ITPR3: variants seen among roughly 807,000 people sequenced by gnomAD.
ITPR3 encodes the protein inositol 1,4,5-trisphosphate receptor type 3.
ITPR3 carries 173 observed loss-of-function variants against 293.2 expected under a neutral mutation model. The ratio of observed to expected loss-of-function variants is 0.59; its 90% CI spans 0.52 to 0.67. The LOEUF is 0.67. Among genes scored for constraint, ITPR3 ranks in the 30% least tolerant of loss-of-function variants. The pLI, the probability that ITPR3 is intolerant of heterozygous loss-of-function variation, is 0.00. For missense variants in ITPR3, 2,796 were observed against 3,592.1 expected (o/e 0.78, Z 5.66); for synonymous variants, 1,295 against 1,444.4 (o/e 0.90, Z 2.35).
chr6:33,673,635 G>C lies in ITPR3; in HGVS notation c.2973G>C (p.Leu991=). ...VRLDYRISYL[L]SVFKKEFVEV... ...TGGATTACCGCATATCCTACCTGCT[G>C]TCTGTCTTCAAGAAGGAGTTTGTGG... Residue 991 remains leucine, a synonymous_variant, in exon 23 of 58, where the codon CTG becomes CTC. Transcript: ENST00000605930. The C allele has an allele frequency of 6.2e-7, 1 of 1,614,174 alleles. No homozygotes were observed. Among genetic ancestry groups the C allele is most frequent in the Non-Finnish European group, 8.5e-7 (1 of 1,180,016 alleles).
Position 33,693,529 on chromosome 6 carries a change from C to G in ITPR3, c.7625-16C>G. 1 of 1,613,010 alleles carries G rather than the reference C, an allele frequency of 6.2e-7. No individual in the cohort carries two copies. Among genetic ancestry groups the G allele is most frequent in the Non-Finnish European group, 8.5e-7 (1 of 1,179,206 alleles). The stretch of plus-strand genomic sequence containing the variant: ...TTGAAGGCTGATGGTTTCATTCCCG[C>G]CCTCTGCACCCTCAGGTCTGGAGAG... On this transcript the variant is annotated splice_polypyrimidine_tract_variant and intron_variant, in intron 55 of 57. Transcript: ENST00000605930.
Position 33,669,141 on chromosome 6 carries a change from T to A in ITPR3, c.2174T>A (p.Val725Glu), listed in dbSNP as rs1470074966. Residue 725 changes from valine (V) to glutamate (E), a missense_variant, in exon 18 of 58, where the codon GTG becomes GAG. By Grantham distance (121) the Val-to-Glu change is moderately radical. Around this residue, in one of 8 missense-constraint regions of ITPR3, gnomAD observed 955 missense variants for 1,180.8 expected, o/e 0.81. Coordinates refer to ENST00000605930, the MANE Select transcript of ITPR3 (RefSeq NM_002224.4). ...GCCGGCAACGCCCACGACGAGAATG[T>A]GCTCAGCTACTACAGGTGCCCCGCC... ...ARAGNAHDEN[V>E]LSYYRYQLKL... 1.9e-6 allele frequency: 3 copies of A among 1,613,876 alleles called. No homozygotes were observed. The highest frequency in any genetic ancestry group is 1.7e-5 in the Admixed American group (1 of 60,018).
chr6:33,671,461 C>G (rs1052546831), intron 21 of ITPR3, among the ~76,000 whole-genome samples, 155 bp downstream of exon 21: 22 of 152,362 alleles, frequency 1.4e-4, no homozygotes, highest in Admixed American at 1.1e-3. Flanking sequence ...GCCCCTCCCA[C>G]CTCAGCAGGA....
rs559749402 is a variant in ITPR3 at position 33,672,388 on chromosome 6, G to C, written c.2928+160G>C. ...TCAGGCCCAGCGGTTCCCACAGTGT[G>C]GTTCTTGGGCCAGCCTCACCTGGGA... is the stretch of plus-strand genomic sequence containing the variant. On this transcript the variant is annotated intron_variant, in intron 22 of 57. Coordinates refer to ENST00000605930, the MANE Select transcript of ITPR3 (RefSeq NM_002224.4). This position sits in a 1 kb window ranked among gnomAD's most constrained non-coding sequence, Gnocchi z 5.0. 4.6e-5 allele frequency among the ~76,000 whole-genome samples: 7 copies of C among 152,112 alleles called. No individual in the cohort carries two copies. In the East Asian group the frequency reaches 1.2e-3, roughly 25 times the overall value.
chr6:33,686,507 G>A lies in ITPR3; in HGVS notation c.5967G>A (p.Val1989=), dbSNP rs1010737798. ...SPLCKYRMDL[V]LQLKDNASKL... ...TGTGCAAGTACCGCATGGATCTGGT[G>A]CTGCAGCTCAAGGTGGGGCCCAGTG... is the stretch of plus-strand genomic sequence containing the variant. The change falls in exon 43 of 58, where the codon GTG becomes GTA. Residue 1989 remains valine (V), a synonymous_variant. Coordinates refer to ENST00000605930, the MANE Select transcript of ITPR3 (RefSeq NM_002224.4). The A allele has an allele frequency of 2.5e-6, 4 of 1,613,864 alleles. No individual in the cohort carries two copies. In the African/African-American group the frequency reaches 5.3e-5, roughly 22 times the overall value.
At chr6:33,678,367 C>T in intron 28 of ITPR3, 54 bp from the exon 29 acceptor site, 1 of 1,598,410 alleles carries the variant, frequency 6.3e-7, no homozygotes, top group Non-Finnish European at 8.6e-7. Context: ...TCAGCCAGGG[C>T]CTCGCCTCCC....
chr6:33,683,253 C>T lies in ITPR3; in HGVS notation c.4644C>T (p.Ile1548=), dbSNP rs1465190574. ...ILLPMDLDAH[I]SSMLSSGASC... Reference sequence around the variant, plus strand: ...TGCCCATGGACCTGGATGCCCACATCAGCTCGATGCTCAGCAGTGGAGCCA... The same window carrying T: ...TGCCCATGGACCTGGATGCCCACATTAGCTCGATGCTCAGCAGTGGAGCCA... Residue 1548 remains isoleucine, a synonymous_variant, in exon 35 of 58, where the codon ATC becomes ATT. Transcript: ENST00000605930. This position sits in a 1 kb window ranked among gnomAD's most constrained non-coding sequence, Gnocchi z 4.5. 1.3e-6 allele frequency: 2 copies of T among 1,563,600 alleles called. No homozygotes were observed. The highest frequency in any genetic ancestry group is 2.4e-5 in the East Asian group (1 of 42,346).
chr6:33,659,759 C>T (rs777914991), intron 7 of ITPR3, among the ~76,000 whole-genome samples: 2 of 152,204 alleles, frequency 1.3e-5, no homozygotes, highest in Admixed American at 6.5e-5. Flanking sequence ...GCTCCCTTCT[C>T]CATTCTCCCT....
In ITPR3 at chr6:33,687,275, C is replaced by CG. The variant is rs1561880884; in HGVS notation, c.6127dup (p.Glu2043GlyfsTer6). The CG allele has an allele frequency of 1.2e-6, 2 of 1,613,466 alleles. No homozygotes were observed. The highest frequency in any genetic ancestry group is 1.3e-5 in the African/African-American group (1 of 74,852). ...CTGCAGGAGGAAGAGCGTGAGAACT[C>CG]GGAGGTGAGCCCACGTGAAGTGGGC... On this transcript the variant is annotated frameshift_variant, in exon 45 of 58. Coordinates refer to ENST00000605930, the MANE Select transcript of ITPR3 (RefSeq NM_002224.4). LOFTEE classifies it high-confidence loss of function. The surrounding 1 kb of genome is among the most constrained non-coding windows in gnomAD (Gnocchi z 5.3).
rs1764377692 is a variant in ITPR3 at position 33,658,775 on chromosome 6, G to A, written c.475G>A (p.Gly159Ser). 4 of 1,614,074 alleles carry A rather than the reference G, an allele frequency of 2.5e-6. No individual in the cohort carries two copies. Among genetic ancestry groups the A allele is most frequent in the African/African-American group, 1.3e-5 (1 of 74,940 alleles). ...GACTCTGGATGCCACAGGCAACGAG[G>A]GTTCCTGGCTCTTCATCCAGCCCTT... Reference protein sequence around the residue: ...RVTLDATGNEGSWLFIQPFWK... With the variant: ...RVTLDATGNESSWLFIQPFWK... Residue 159 changes from glycine (G) to serine (S), a missense_variant, in exon 5 of 58, where the codon GGT becomes AGT. By Grantham distance (56) the Gly-to-Ser change is moderately conservative (BLOSUM62 0). Around this residue, in one of 8 missense-constraint regions of ITPR3, gnomAD observed 144 missense variants for 230.8 expected, o/e 0.62. Transcript: ENST00000605930. The surrounding 1 kb of genome is among the most constrained non-coding windows in gnomAD (Gnocchi z 6.1).
Position 33,678,834 on chromosome 6 carries a change from A to T in ITPR3, c.3967A>T (p.Thr1323Ser). ...YVKKCQDMIM[T>S]ELTNAGDDVV... Reference sequence around the variant, plus strand: ...CAAGAAGTGCCAGGACATGATCATGACTGAGGTGAGGGCGGGGCTGAGGGG... The same window carrying T: ...CAAGAAGTGCCAGGACATGATCATGTCTGAGGTGAGGGCGGGGCTGAGGGG... The change falls in exon 30 of 58, where the codon ACT (threonine) becomes TCT (serine). Residue 1323 changes from threonine (T) to serine (S), a missense_variant. Coordinates refer to ENST00000605930, the MANE Select transcript of ITPR3 (RefSeq NM_002224.4). 6.2e-7 allele frequency: 1 copy of T among 1,611,704 alleles called. No homozygotes were observed. The highest frequency in any genetic ancestry group is 8.5e-7 in the Non-Finnish European group (1 of 1,179,130).
In ITPR3 at chr6:33,654,145, G is replaced by A. The variant is rs1433694662; in HGVS notation, c.161-1621G>A. The stretch of plus-strand genomic sequence containing the variant: ...TAGCCAGGCATGGTGGTGCATGCCT[G>A]TAATCCCAGCTACTTGGGAGGCTGA... On this transcript the variant is annotated intron_variant, in intron 2 of 57. Coordinates refer to ENST00000605930, the MANE Select transcript of ITPR3 (RefSeq NM_002224.4). This position sits in a 1 kb window ranked among gnomAD's most constrained non-coding sequence, Gnocchi z 4.1. Among the ~76,000 whole-genome samples the A allele has an allele frequency of 6.6e-6, 1 of 152,134 alleles. No homozygotes were observed. Among genetic ancestry groups the A allele is most frequent in the African/African-American group, 2.4e-5 (1 of 41,440 alleles).
intron 1 of ITPR3, among the ~76,000 whole-genome samples, chr6:33,625,026 C>T (rs764508523): frequency 6.6e-5 from 10 of 152,228 alleles, no homozygotes; most frequent in Non-Finnish European, 1.2e-4. Context: ...AGCAGGCCCA[C>T]GCCTGTTCTT....
chr6:33,687,325 C>A lies in ITPR3; in HGVS notation c.6175C>A (p.Gln2059Lys). Residue 2059 changes from glutamine to lysine, a missense_variant and splice_region_variant, in exon 45 of 58, where the codon CAG becomes AAG. Coordinates refer to ENST00000605930, the MANE Select transcript of ITPR3 (RefSeq NM_002224.4). The surrounding 1 kb of genome is among the most constrained non-coding windows in gnomAD (Gnocchi z 5.3). Reference sequence around the variant, plus strand: ...CCATAACATCTATATCCTGGCGCTGCAGGTACCAGTTCCACCCGTGGCAAC... The same window carrying A: ...CCATAACATCTATATCCTGGCGCTGAAGGTACCAGTTCCACCCGTGGCAAC... ...VGHNIYILALQLSRHNKQLQH... is the reference protein window; with the variant it reads ...VGHNIYILALKLSRHNKQLQH... The A allele has an allele frequency of 1.2e-6, 2 of 1,605,258 alleles. No homozygotes were observed. Among genetic ancestry groups the A allele is most frequent in the African/African-American group, 1.3e-5 (1 of 74,766 alleles).
Position 33,672,289 on chromosome 6 carries a change from ACAGGGAGGCTGGG to A in ITPR3, c.2928+67_2928+79del. On this transcript the variant is annotated intron_variant, in intron 22 of 57. Coordinates refer to ENST00000605930, the MANE Select transcript of ITPR3 (RefSeq NM_002224.4). This position sits in a 1 kb window ranked among gnomAD's most constrained non-coding sequence, Gnocchi z 5.0. Reference sequence around the variant, plus strand: ...ATAGGGGGAGGGTAATGGGGCGGGTACAGGGAGGCTGGGCAGGGCGAACCCCTTCAGATCTCAG... The same window carrying A: ...ATAGGGGGAGGGTAATGGGGCGGGTACAGGGCGAACCCCTTCAGATCTCAG... 6.9e-7 allele frequency: 1 copy of A among 1,445,328 alleles called. No individual in the cohort carries two copies. The highest frequency in any genetic ancestry group is 2.3e-5 in the East Asian group (1 of 43,888). The allele number at this position is 1,445,328 out of a possible 1,614,324, so 89.5% of individuals were successfully genotyped here.
intron 11 of ITPR3, 119 bp downstream of exon 11, chr6:33,663,999 G>T (rs1764546287): frequency 8.4e-7 from 1 of 1,191,198 alleles, no homozygotes; most frequent in African/African-American, 1.5e-5. Flanking sequence ...AGCCTCTGGG[G>T]TCTCTGTAGG....
chr6:33,684,652 A>C lies in ITPR3; in HGVS notation c.5101A>C (p.Thr1701Pro). The C allele has an allele frequency of 6.2e-7, 1 of 1,614,008 alleles. No homozygotes were observed. Among genetic ancestry groups the C allele is most frequent in the Non-Finnish European group, 8.5e-7 (1 of 1,179,998 alleles). The change falls in exon 38 of 58, where the codon ACC becomes CCC. Residue 1701 changes from threonine (T) to proline (P), a missense_variant. Transcript: ENST00000605930. This position sits in a 1 kb window ranked among gnomAD's most constrained non-coding sequence, Gnocchi z 4.2. ...LQNYLQNRKS[T>P]SRGDLPDPIG... is the part of the protein sequence containing the mutation. Reference sequence around the variant, plus strand: ...AAACTACCTCCAGAACCGGAAGTCCACCTCGCGGGGGGACCTTCCCGACCC... The same window carrying C: ...AAACTACCTCCAGAACCGGAAGTCCCCCTCGCGGGGGGACCTTCCCGACCC...
rs750052368 is a variant in ITPR3 at position 33,669,071 on chromosome 6, G to A, written c.2104G>A (p.Glu702Lys). 9 of 1,614,078 alleles carry A rather than the reference G, an allele frequency of 5.6e-6. No homozygotes were observed. Among genetic ancestry groups the A allele is most frequent in the South Asian group, 1.1e-5 (1 of 91,064 alleles). Residue 702 changes from glutamate to lysine, a missense_variant, in exon 18 of 58, where the codon GAG becomes AAG. Coordinates refer to ENST00000605930, the MANE Select transcript of ITPR3 (RefSeq NM_002224.4). Reference sequence around the variant, plus strand: ...GCTCACGTGGACTGACAAGAATAACGAGCATCATGAGAAGAGTGTGAGGCA... The same window carrying A: ...GCTCACGTGGACTGACAAGAATAACAAGCATCATGAGAAGAGTGTGAGGCA... Reference protein sequence around the residue: ...VWLTWTDKNNEHHEKSVRQLA... With the variant: ...VWLTWTDKNNKHHEKSVRQLA...
At position 33,658,213 on chromosome 6, in the gene ITPR3, T is replaced by C. The variant is rs1034776926; in HGVS notation, c.369+195T>C. On this transcript the variant is annotated intron_variant, in intron 4 of 57. Transcript: ENST00000605930. This position sits in a 1 kb window ranked among gnomAD's most constrained non-coding sequence, Gnocchi z 6.1. ...TGTTGCTGTGTGGCCTGAGTAGCTG[T>C]GCCATGGGTGTGTTTACAGCATGGT... Among the ~76,000 whole-genome samples the C allele has an allele frequency of 1.3e-5, 2 of 152,180 alleles. No homozygotes were observed. Among genetic ancestry groups the C allele is most frequent in the African/African-American group, 4.8e-5 (2 of 41,438 alleles).
Sources: gnomAD v4.1 joint callset for allele counts (sites outside exome capture counted in the v4.1 genomes callset) on GRCh38, gnomAD v4.1.1 for gene constraint, gnomAD v4.1.1 regional missense constraint, Gnocchi (gnomAD v3.1) non-coding constraint, MANE v1.5 for transcripts, NCBI Gene and HGNC (gene_info 2026-07-23, HGNC 2026-07-21) for gene names.